The following PTPRD variants were observed in gnomAD, a reference collection of about 807,000 sequenced individuals.
PTPRD encodes the protein receptor-type tyrosine-protein phosphatase delta.
PTPRD carries 34 observed loss-of-function variants against 214.5 expected under a neutral mutation model. That is an observed-to-expected ratio of 0.16 (90% CI 0.12 to 0.21). The LOEUF (loss-of-function observed/expected upper bound fraction) is 0.21. Among genes scored for constraint, PTPRD ranks in the 10% least tolerant of loss-of-function variants. PTPRD has a pLI of 1.00. For synonymous variants in PTPRD, 1,128 were observed against 845.7 expected (o/e 1.33, Z -5.79); for missense variants, 2,545 against 2,398.7 (o/e 1.06, Z -1.27).
At chr9:9,688,858 G>T (rs984105300) in intron 7 of PTPRD, among the ~76,000 whole-genome samples, 2 of 151,640 alleles carry the variant, frequency 1.3e-5, no homozygotes, top group African/African-American at 4.8e-5. Context: ...AAGCTAAGGG[G>T]GTACTTGTTT....
At chr9:9,278,620 A>G (rs1227840374) in intron 9 of PTPRD, among the ~76,000 whole-genome samples, 1 of 151,346 alleles carries the variant, frequency 6.6e-6, no homozygotes, top group Admixed American at 6.6e-5. Context: ...ATACTTGTAC[A>G]GACAGAGGGC....
At chr9:9,174,980 C>A (rs1419611120) in intron 10 of PTPRD, among the ~76,000 whole-genome samples, 4 of 151,956 alleles carry the variant, frequency 2.6e-5, no homozygotes, top group Non-Finnish European at 4.4e-5. Context: ...GGATTAATAT[C>A]ATTATAAAAG....
rs759595580 is a variant in PTPRD at position 8,636,767 on chromosome 9, T to A, written c.142A>T (p.Thr48Ser). The change falls in exon 13 of 46, where the codon ACG becomes TCG. Residue 48 changes from threonine (T) to serine (S), a missense_variant. By Grantham distance (58) the Thr-to-Ser change is moderately conservative. Transcript: ENST00000381196. ...GGVASFICQA[T>S]GDPRPKIVWN... ...ACAATTTTAGGTCTTGGGTCTCCCGTAGCTTGGCAGATGAAAGAGGCAACT... is the reference window on the plus strand; with the variant it reads ...ACAATTTTAGGTCTTGGGTCTCCCGAAGCTTGGCAGATGAAAGAGGCAACT... 2.5e-6 allele frequency: 4 copies of A among 1,614,114 alleles called. No individual in the cohort carries two copies. Among genetic ancestry groups the A allele is most frequent in the Non-Finnish European group, 2.5e-6 (3 of 1,179,972 alleles).
At chr9:8,851,608 A>G (rs1013820489) in intron 11 of PTPRD, among the ~76,000 whole-genome samples, 15 of 152,216 alleles carry the variant, frequency 9.9e-5, no homozygotes, top group African/African-American at 3.6e-4. Context: ...ACAGAACTCT[A>G]TCATAGGAAC....
At chr9:8,684,284 A>G (rs1044733344) in intron 12 of PTPRD, among the ~76,000 whole-genome samples, 1 of 152,188 alleles carries the variant, frequency 6.6e-6, no homozygotes, top group Admixed American at 6.5e-5. Context: ...CCCAAGAACT[A>G]TATTTTGTAT....
At chr9:9,105,378 T>C (rs1202444038) in intron 10 of PTPRD, among the ~76,000 whole-genome samples, 1 of 152,212 alleles carries the variant, frequency 6.6e-6, no homozygotes, top group East Asian at 1.9e-4. Context: ...AAGTCAACTT[T>C]CAGAGCTCTT....
chr9:8,729,223 T>A (rs548190327), intron 12 of PTPRD, among the ~76,000 whole-genome samples: 1 of 152,278 alleles, frequency 6.6e-6, no homozygotes, highest in Non-Finnish European at 1.5e-5. Flanking sequence ...CAAGCCAAAT[T>A]AATTTTAAAT....
At chr9:8,885,959 G>A (rs1228137749) in intron 11 of PTPRD, among the ~76,000 whole-genome samples, 1 of 152,010 alleles carries the variant, frequency 6.6e-6, no homozygotes, top group Admixed American at 6.5e-5. Context: ...ATCCATATAC[G>A]ACCTAGCAGA....
intron 2 of PTPRD, among the ~76,000 whole-genome samples, chr9:10,561,502 T>C (rs185587348): frequency 1.3e-3 from 194 of 152,246 alleles, no homozygotes; most frequent in African/African-American, 4.5e-3. Context: ...CCTAGAATAC[T>C]GCATAGCACA....
intron 7 of PTPRD, among the ~76,000 whole-genome samples, chr9:9,597,615 A>G (rs528385457): frequency 1.3e-5 from 2 of 152,036 alleles, no homozygotes; most frequent in African/African-American, 2.4e-5. Flanking sequence ...GGGGAAGTCA[A>G]CAGTATCACA....
intron 11 of PTPRD, among the ~76,000 whole-genome samples, chr9:8,830,819 A>C (rs1455127126): frequency 6.6e-6 from 1 of 152,292 alleles, no homozygotes; most frequent in African/African-American, 2.4e-5. Flanking sequence ...TCATTGCTTA[A>C]AGAAATCCCA....
intron 11 of PTPRD, among the ~76,000 whole-genome samples, chr9:8,892,669 A>ATT (rs2098551364): frequency 7.8e-6 from 1 of 127,682 alleles, no homozygotes; most frequent in Non-Finnish European, 1.6e-5. Context: ...GTGTATATAT[A>ATT]TGTGTATATA....
chr9:10,330,265 G>T (rs115608549), intron 3 of PTPRD, among the ~76,000 whole-genome samples: 2,179 of 151,902 alleles, frequency 0.014, 58 homozygotes, highest in African/African-American at 0.05. Context: ...TCTGGATTGA[G>T]TGTACAGAGG....
At chr9:10,082,240 T>C (rs571822437) in intron 3 of PTPRD, among the ~76,000 whole-genome samples, 2 of 152,206 alleles carry the variant, frequency 1.3e-5, no homozygotes, top group South Asian at 2.1e-4. Context: ...AACATAGTGT[T>C]TGATTGATTA....
At chr9:8,493,830 T>A (rs2097198538) in intron 26 of PTPRD, among the ~76,000 whole-genome samples, 1 of 152,174 alleles carries the variant, frequency 6.6e-6, no homozygotes, top group Non-Finnish European at 1.5e-5. Flanking sequence ...AAAGCTGTGG[T>A]GGTTATAAGA....
intron 11 of PTPRD, chr9:8,860,043 T>A (rs1300063975): frequency 6.6e-6 from 1 of 152,190 alleles, no homozygotes; most frequent in Non-Finnish European, 1.5e-5. Flanking sequence ...CATAGGTGAT[T>A]CCACCCAAGA....
At chr9:9,457,294 G>C (rs1235427812) in intron 8 of PTPRD, among the ~76,000 whole-genome samples, 3 of 151,856 alleles carry the variant, frequency 2.0e-5, no homozygotes, top group African/African-American at 4.8e-5. Context: ...ATTCAATATA[G>C]TCCTTTATGA....
chr9:10,199,028 A>T (rs1450252496), intron 3 of PTPRD, among the ~76,000 whole-genome samples: 1 of 151,036 alleles, frequency 6.6e-6, no homozygotes, highest in African/African-American at 2.4e-5. Context: ...CCTACACAGA[A>T]TTTTCTTTTT....
intron 5 of PTPRD, among the ~76,000 whole-genome samples, chr9:9,884,090 C>T (rs983332719): frequency 1.2e-4 from 18 of 152,024 alleles, no homozygotes; most frequent in African/African-American, 2.2e-4. Flanking sequence ...CTAAAGGATA[C>T]GCAGTAAACA....
Sources: gnomAD v4.1 joint callset for allele counts (sites outside exome capture counted in the v4.1 genomes callset) on GRCh38, gnomAD v4.1.1 for gene constraint, MANE v1.5 for transcripts, NCBI Gene and HGNC (gene_info 2026-07-23, HGNC 2026-07-21) for gene names.